Variants in MED15 observed in about 807,000 individuals in gnomAD.
MED15 encodes mediator complex subunit 15, also known as mediator of RNA polymerase II transcription subunit 15.
Under a neutral mutation model 118.7 loss-of-function variants are expected in MED15, and 41 were observed. The observed-to-expected ratio is 0.35, with a 90% CI of 0.27 to 0.45. The LOEUF is 0.45. Among genes scored for constraint, MED15 ranks in the 20% least tolerant of loss-of-function variants. The pLI is 1.00. For synonymous variants in MED15, 436 were observed against 413.9 expected (o/e 1.05, Z -0.65); for missense variants, 740 against 1,025.5 (o/e 0.72, Z 3.80).
intron 8 of MED15, among the ~76,000 whole-genome samples, chr22:20,569,003 G>A (rs1048048952): frequency 1.3e-5 from 2 of 152,208 alleles, no homozygotes; most frequent in Non-Finnish European, 2.9e-5. Flanking sequence ...GCTGACCAGG[G>A]TGGAGGGCAG....
At position 20,583,098 on chromosome 22, in the gene MED15, G is replaced by T; in HGVS notation, c.1538-15G>T. The stretch of plus-strand genomic sequence containing the variant: ...AGGGTCGAGGGCTGTGGCCTCACCC[G>T]CCTGTGTCCTGCAGTGAACCCCAGC... On this transcript the variant is annotated splice_polypyrimidine_tract_variant and intron_variant, in intron 11 of 17. Transcript: ENST00000263205. 6.3e-7 allele frequency: 1 copy of T among 1,575,286 alleles called. No homozygotes were observed. Among genetic ancestry groups the T allele is most frequent in the Admixed American group, 1.7e-5 (1 of 57,248 alleles).
At chr22:20,579,644 G>A (rs1601636103) in intron 9 of MED15, among the ~76,000 whole-genome samples, 1 of 152,148 alleles carries the variant, frequency 6.6e-6, no homozygotes. Flanking sequence ...TGGCCCACTC[G>A]GTGTCCACCT....
intron 1 of MED15, among the ~76,000 whole-genome samples, chr22:20,531,477 G>A (rs2054860154): frequency 6.6e-6 from 1 of 152,190 alleles, no homozygotes. Flanking sequence ...TGAGTGGCTA[G>A]GTTGGAATTT....
intron 1 of MED15, chr22:20,507,978 T>G (rs2053929073): frequency 7.0e-7 from 1 of 1,434,030 alleles, no homozygotes; most frequent in Admixed American, 2.9e-5. Flanking sequence ...CCCTGGCTTA[T>G]GAATCATCGT....
chr22:20,516,867 C>T (rs541891829), intron 1 of MED15, among the ~76,000 whole-genome samples: 1 of 152,246 alleles, frequency 6.6e-6, no homozygotes, highest in African/African-American at 2.4e-5. Flanking sequence ...ACCCCTATGT[C>T]CATATACGCA....
chr22:20,546,960 T>C (rs2055568190), intron 2 of MED15, among the ~76,000 whole-genome samples: 1 of 152,236 alleles, frequency 6.6e-6, no homozygotes, highest in African/African-American at 2.4e-5. Flanking sequence ...AGAAAAAACA[T>C]GTTTTTGAAA....
At chr22:20,560,424 C>A (rs1163017649) in intron 5 of MED15, among the ~76,000 whole-genome samples, 1 of 152,152 alleles carries the variant, frequency 6.6e-6, no homozygotes. Flanking sequence ...GCCACTACGC[C>A]CAGCTAATTT....
intron 1 of MED15, among the ~76,000 whole-genome samples, chr22:20,512,040 G>C (rs1344282706): frequency 7.1e-6 from 1 of 141,128 alleles, no homozygotes; most frequent in East Asian, 2.0e-4. Context: ...CCAGGTTAGA[G>C]TGCAGTGGTA....
intron 5 of MED15, among the ~76,000 whole-genome samples, chr22:20,555,934 G>A (rs165909): frequency 0.2 from 30,085 of 152,140 alleles, 3,031 homozygotes; most frequent in South Asian, 0.25. Context: ...TGTTGCCCAG[G>A]CTTATCTTGA....
chr22:20,584,613 T>A, intron 14 of MED15, 188 bp downstream of exon 14: 2 of 830,100 alleles, frequency 2.4e-6, no homozygotes, highest in South Asian at 3.4e-5. Flanking sequence ...TCACCCTCTG[T>A]CTACGGCCCC....
Position 20,586,732 on chromosome 22 carries a change from T to C in MED15, c.*28T>C. The C allele has an allele frequency of 1.2e-6, 2 of 1,609,974 alleles. No individual in the cohort carries two copies. Among genetic ancestry groups the C allele is most frequent in the South Asian group, 1.1e-5 (1 of 91,018 alleles). Reference sequence around the variant, plus strand: ...AAGACTGCAGGGATGGCCCGCAGCCTCATCGGGGCCAAGGACACACGCCTC... The same window carrying C: ...AAGACTGCAGGGATGGCCCGCAGCCCCATCGGGGCCAAGGACACACGCCTC... On this transcript the variant is annotated 3_prime_UTR_variant, in exon 18 of 18. Transcript: ENST00000263205.
At chr22:20,512,587 CT>C (rs1001694854) in intron 1 of MED15, among the ~76,000 whole-genome samples, 6,222 of 91,432 alleles carry the variant, frequency 0.068, 119 homozygotes, top group African/African-American at 0.18. Context: ...TGAGTCACCT[CT>C]TTTTTTTTTT....
At chr22:20,547,998 T>C (rs553327519) in intron 2 of MED15, among the ~76,000 whole-genome samples, 1 of 152,164 alleles carries the variant, frequency 6.6e-6, no homozygotes, top group South Asian at 2.1e-4. Flanking sequence ...AGACCCCATC[T>C]CAAAAAATAT....
intron 1 of MED15, among the ~76,000 whole-genome samples, chr22:20,531,302 C>T (rs1353390235): frequency 6.6e-6 from 1 of 152,236 alleles, no homozygotes; most frequent in African/African-American, 2.4e-5. Flanking sequence ...GAACAACAGG[C>T]CCATGCTGGG....
chr22:20,509,363 T>A (rs1012516756), intron 1 of MED15, among the ~76,000 whole-genome samples: 1 of 152,138 alleles, frequency 6.6e-6, no homozygotes, highest in African/African-American at 2.4e-5. Flanking sequence ...TAAGAGAGTT[T>A]GAACATTTGG....
In MED15 at chr22:20,535,146, C is replaced by T. The variant is rs569578596; in HGVS notation, c.69-1971C>T. On this transcript the variant is annotated intron_variant, in intron 1 of 17. Coordinates refer to ENST00000263205, the MANE Select transcript of MED15 (RefSeq NM_001003891.3). ...CTAATTTTTGTATTTTTAGTGGAGA[C>T]AGGGTTTCACCACGTTAGCCAGGCT... 2.6e-5 allele frequency among the ~76,000 whole-genome samples: 4 copies of T among 152,198 alleles called. No individual in the cohort carries two copies. In the East Asian group the frequency reaches 5.8e-4, roughly 22 times the overall value.
At chr22:20,574,892 A>G (rs2056776381) in intron 8 of MED15, 1 of 631,400 alleles carries the variant, frequency 1.6e-6, no homozygotes, top group Non-Finnish European at 2.8e-6. Flanking sequence ...TGGAAGCAGC[A>G]TTCTTGGCAA....
chr22:20,561,091 T>C (rs1452386025), intron 5 of MED15, among the ~76,000 whole-genome samples: 2 of 152,104 alleles, frequency 1.3e-5, no homozygotes, highest in Non-Finnish European at 2.9e-5. Flanking sequence ...GAAAAATTAT[T>C]GCTAAAACAA....
At chr22:20,511,483 C>A (rs2054061548) in intron 1 of MED15, among the ~76,000 whole-genome samples, 1 of 142,896 alleles carries the variant, frequency 7.0e-6, no homozygotes, top group Non-Finnish European at 1.5e-5. Context: ...CAGAGCAAGA[C>A]CCTTCTCAAA....
Sources: gnomAD v4.1 joint callset for allele counts (sites outside exome capture counted in the v4.1 genomes callset) on GRCh38, gnomAD v4.1.1 for gene constraint, MANE v1.5 for transcripts, NCBI Gene and HGNC (gene_info 2026-07-23, HGNC 2026-07-21) for gene names.